SHKBP1: variants seen among roughly 807,000 people sequenced by gnomAD.
SHKBP1 encodes the protein SH3KBP1-binding protein 1.
A neutral mutation model predicts 83.9 loss-of-function variants in SHKBP1; 71 were observed. The ratio of observed to expected loss-of-function variants is 0.85; its 90% confidence interval spans 0.70 to 1.03. The LOEUF (loss-of-function observed/expected upper bound fraction) is 1.03, where lower values mean the gene tolerates loss of function less well. Ranked by LOEUF, SHKBP1 falls within the 50% of genes least tolerant of loss-of-function variation. The pLI is 0.00. For synonymous variants in SHKBP1, 371 were observed against 398.0 expected, an observed-to-expected ratio of 0.93 and a Z score of 0.81; for missense variants, 824 against 982.4, an observed-to-expected ratio of 0.84 and a Z score of 2.16.
At chr19:40,582,580 A>G (rs2081278769) in intron 10 of SHKBP1, 114 bp downstream of exon 10, 1 of 840,280 alleles carries the variant, frequency 1.2e-6, no homozygotes, top group East Asian at 2.6e-5. Context: ...AGGAAGCCAG[A>G]GAACCAGCAG....
rs28612694 is a variant in SHKBP1 at position 40,580,513 on chromosome 19, G to A, written c.562+28G>A. 1.1e-3 allele frequency: 1,820 copies of A among 1,613,868 alleles called. 11 individuals carry two copies. In the African/African-American group the frequency reaches 0.021, roughly 19 times the overall value. ...ACGTTTCTATCTCGTGGAAGGTTGG[G>A]GCAGCTGTGGGGTCCCTGTGACCCT... On this transcript the variant is annotated intron_variant, in intron 7 of 17. Transcript: ENST00000291842.
intron 13 of SHKBP1, among the ~76,000 whole-genome samples, chr19:40,587,515 T>C (rs2081322263): frequency 6.6e-6 from 1 of 152,146 alleles, no homozygotes; most frequent in African/African-American, 2.4e-5. Context: ...TGCTTGAACC[T>C]GGGAGGCGGA....
intron 10 of SHKBP1, among the ~76,000 whole-genome samples, 189 bp from the exon 11 acceptor site, chr19:40,583,209 G>A (rs2081284154): frequency 6.6e-6 from 1 of 151,510 alleles, no homozygotes. Context: ...GAGTCAGACA[G>A]ACAGATGCAT....
chr19:40,577,018 C>CGG (rs1219264605), intron 1 of SHKBP1, 33 bp downstream of exon 1: 2 of 1,294,470 alleles, frequency 1.5e-6, no homozygotes, highest in African/African-American at 3.1e-5. Context: ...GTCCCATCCT[C>CGG]GGGGGCGGGA....
rs1229934190 is a variant in SHKBP1 at position 40,576,880 on chromosome 19, A to G, written c.-20A>G. ...GCACACCCGGAAGTGGGTGCGGGCC[A>G]GCCGGCTCGCCCGGGGGCCATGGCA... On this transcript the variant is annotated 5_prime_UTR_variant, in exon 1 of 18. Coordinates refer to ENST00000291842, the MANE Select transcript of SHKBP1 (RefSeq NM_138392.4). 18 of 1,423,932 alleles carry G rather than the reference A, an allele frequency of 1.3e-5. No homozygotes were observed. The highest frequency in any genetic ancestry group is 1.5e-5 in the Non-Finnish European group (16 of 1,077,902). 88.2% of individuals were successfully genotyped at this position (1,423,932 alleles called of 1,614,324 possible).
chr19:40,577,281 C>T lies in SHKBP1; in HGVS notation c.137C>T (p.Ser46Phe). Residue 46 changes from serine (S) to phenylalanine (F), a missense_variant, in exon 2 of 18, where the codon TCC (serine) becomes TTC (phenylalanine). Ser to Phe is a radical substitution (Grantham distance 155). Coordinates refer to ENST00000291842, the MANE Select transcript of SHKBP1 (RefSeq NM_138392.4). ...ACCTGGATCCCAGACTCCTTCTTCT[C>T]CAGGTGATCGGGAGAGCGAGTTTGG... is the stretch of plus-strand genomic sequence containing the variant. ...TLTWIPDSFF[S>F]SLLSGRISTL... The T allele has an allele frequency of 6.2e-7, 1 of 1,614,056 alleles. No homozygotes were observed. Among genetic ancestry groups the T allele is most frequent in the Non-Finnish European group, 8.5e-7 (1 of 1,179,988 alleles).
rs537246837 is a variant in SHKBP1 at position 40,590,209 on chromosome 19, G to C, written c.1590-35G>C. ...GACTGGGACGAGGAAGGGTGAGAAAGCGAGGGTGACCACCTCCCCCACTGC... is the reference window on the plus strand; with the variant it reads ...GACTGGGACGAGGAAGGGTGAGAAACCGAGGGTGACCACCTCCCCCACTGC... On this transcript the variant is annotated intron_variant, in intron 15 of 17. Transcript: ENST00000291842. The surrounding 1 kb of genome is among the most constrained non-coding windows in gnomAD (Gnocchi z 4.6). 4.0e-6 allele frequency: 6 copies of C among 1,516,996 alleles called. No homozygotes were observed. 94.0% of individuals were successfully genotyped at this position (1,516,996 alleles called of 1,614,324 possible).
chr19:40,588,748 G>T lies in SHKBP1; in HGVS notation c.1461G>T (p.Gly487=), dbSNP rs115003108. The T allele has an allele frequency of 1.5e-4, 235 of 1,613,804 alleles. 2 individuals are homozygous for T. In the African/African-American group the frequency reaches 3.0e-3, roughly 20 times the overall value. Residue 487 remains glycine (G), a synonymous_variant, in exon 14 of 18, where the codon GGG becomes GGT. Transcript: ENST00000291842. ...FKILALESAD[G]HGGCSAGNDI... ...TCCTGGCTCTGGAGTCGGCAGATGG[G>T]CATGGCGGCTGCAGTGCTGGCAATG...
At chr19:40,577,987 A>ACT (rs1185050236) in intron 4 of SHKBP1, 167 bp from the exon 5 acceptor site, 1 of 685,830 alleles carries the variant, frequency 1.5e-6, no homozygotes, top group Non-Finnish European at 2.7e-6. Flanking sequence ...ACACACACAC[A>ACT]CACACTCAAC....
At chr19:40,578,026 A>T in intron 4 of SHKBP1, 128 bp from the exon 5 acceptor site, 1 of 768,282 alleles carries the variant, frequency 1.3e-6, no homozygotes, top group Non-Finnish European at 2.3e-6. Context: ...ATCACTCCTT[A>T]GCATCTTTAT....
At position 40,587,657 on chromosome 19, in the gene SHKBP1, T is replaced by C. The variant is rs533298688; in HGVS notation, c.1336+713T>C. Among the ~76,000 whole-genome samples the C allele has an allele frequency of 1.6e-4, 25 of 152,234 alleles. 1 individual carries two copies. In the East Asian group the frequency reaches 3.1e-3, roughly 19 times the overall value. ...GGCTCATGCCTATAATCCCAGCACT[T>C]TGGGAGGCCAAGGTGGGAGGATTGC... is the stretch of plus-strand genomic sequence containing the variant. On this transcript the variant is annotated intron_variant, in intron 13 of 17. Coordinates refer to ENST00000291842, the MANE Select transcript of SHKBP1 (RefSeq NM_138392.4).
chr19:40,586,929 A>G lies in SHKBP1; in HGVS notation c.1321A>G (p.Lys441Glu), dbSNP rs776161649. 6.2e-7 allele frequency: 1 copy of G among 1,603,184 alleles called. No homozygotes were observed. Among genetic ancestry groups the G allele is most frequent in the South Asian group, 1.1e-5 (1 of 90,464 alleles). ...TGTCACCAAGATCATGCTGTCGGAG[A>G]AGCACCTCATCTCAGGTGAGCCTCT... ...SPVTKIMLSEKHLISVCADNN... is the reference protein window; with the variant it reads ...SPVTKIMLSEEHLISVCADNN... Residue 441 changes from lysine to glutamate, a missense_variant, in exon 13 of 18, where the codon AAG (lysine) becomes GAG (glutamate). Around this residue, in one of 3 missense-constraint regions of SHKBP1, gnomAD observed 182 missense variants for 273.1 expected, o/e 0.67. Coordinates refer to ENST00000291842, the MANE Select transcript of SHKBP1 (RefSeq NM_138392.4).
rs77082984 is a variant in SHKBP1, at chr19:40,580,418, C to G, written c.495C>G (p.Pro165=). 811 of 1,614,206 alleles carry G rather than the reference C, an allele frequency of 5.0e-4. 6 individuals carry two copies. In the East Asian group the frequency reaches 0.016, roughly 31 times the overall value. Residue 165 remains proline (P), a synonymous_variant, in exon 7 of 18, where the codon CCC becomes CCG. Transcript: ENST00000291842. ...CTGTCCGACGGAGCAACACGATGCC[C>G]CCCAACCTTGGCAATGCAGGGCTGC... ...PAPVRRSNTM[P]PNLGNAGLLG...
rs745968566 is a variant in SHKBP1 at position 40,583,686 on chromosome 19, C to A, written c.1134C>A (p.Thr378=). 1 of 1,613,982 alleles carries A rather than the reference C, an allele frequency of 6.2e-7. No homozygotes were observed. The highest frequency in any genetic ancestry group is 1.1e-5 in the South Asian group (1 of 91,070). ...GGGACCCAGCGGAGGATGGGGTCACCGCCCTCAGTGTCTACCTCACCCCCA... is the reference window on the plus strand; with the variant it reads ...GGGACCCAGCGGAGGATGGGGTCACAGCCCTCAGTGTCTACCTCACCCCCA... The part of the protein sequence containing the change: ...LYRDPAEDGV[T]ALSVYLTPKT... Residue 378 remains threonine, a synonymous_variant, in exon 12 of 18, where the codon ACC becomes ACA. Transcript: ENST00000291842.
At chr19:40,580,052 AAAC>A in intron 6 of SHKBP1, 4 of 287,908 alleles carry the variant, frequency 1.4e-5, no homozygotes, top group South Asian at 7.8e-5. Flanking sequence ...AAAAAAAAAA[AAAC>A]GGAAAATTAG....
rs966704582 is a variant in SHKBP1, at chr19:40,590,432, G to A, written c.1768+10G>A. The stretch of plus-strand genomic sequence containing the variant: ...CTCGGCCAGGCCCCTGGTACTCCCT[G>A]CCCCACCCCAATCCCGTCCCAAGCC... On this transcript the variant is annotated intron_variant, in intron 16 of 17. Coordinates refer to ENST00000291842, the MANE Select transcript of SHKBP1 (RefSeq NM_138392.4). The surrounding 1 kb of genome is among the most constrained non-coding windows in gnomAD (Gnocchi z 4.6). 5 of 1,596,140 alleles carry A rather than the reference G, an allele frequency of 3.1e-6. No homozygotes were observed. In the African/African-American group the frequency reaches 5.4e-5, roughly 17 times the overall value.
chr19:40,589,231 G>A, intron 15 of SHKBP1, 53 bp downstream of exon 15: 1 of 1,141,068 alleles, frequency 8.8e-7, no homozygotes, highest in Non-Finnish European at 1.2e-6. Flanking sequence ...CCAACAGGGA[G>A]GGAGGTCAGG....
At chr19:40,582,221 C>T (rs2081275637) in intron 9 of SHKBP1, 130 bp from the exon 10 acceptor site, 5 of 758,008 alleles carry the variant, frequency 6.6e-6, no homozygotes, top group Non-Finnish European at 1.2e-5. Flanking sequence ...TGTGCCCAGC[C>T]CCTGATGGAA....
At chr19:40,588,932 A>G (rs393569) in intron 14 of SHKBP1, 150 bp from the exon 15 acceptor site, 643,452 of 1,264,686 alleles carry the variant, frequency 0.51, 168,242 homozygotes, top group African/African-American at 0.78. Flanking sequence ...ACTGACTGCC[A>G]CAACCCCCCA....
Sources: gnomAD v4.1 joint callset for allele counts (sites outside exome capture counted in the v4.1 genomes callset) on GRCh38, gnomAD v4.1.1 for gene constraint, gnomAD v4.1.1 regional missense constraint, Gnocchi (gnomAD v3.1) non-coding constraint, MANE v1.5 for transcripts, NCBI Gene and HGNC (gene_info 2026-07-23, HGNC 2026-07-21) for gene names.